Variants in ATF6 observed in about 807,000 individuals in gnomAD.
ATF6 encodes cyclic AMP-dependent transcription factor ATF-6 alpha.
ATF6 carries 53 observed loss-of-function variants against 83.6 expected under a neutral mutation model. That is an observed-to-expected ratio of 0.63 (90% CI 0.51 to 0.80). The LOEUF (loss-of-function observed/expected upper bound fraction) is 0.80. Ranked by LOEUF, ATF6 falls within the 30% of genes least tolerant of loss-of-function variation. The probability of loss-of-function intolerance (pLI) is 0.00; values close to 1 mark genes in which losing one functional copy is unlikely to be tolerated. For synonymous variants in ATF6, 288 were observed against 285.8 expected, an observed-to-expected ratio of 1.01 and a Z score of -0.08; for missense variants, 744 against 797.9, an observed-to-expected ratio of 0.93 and a Z score of 0.81.
At chr1:161,807,897 T>G (rs1325325479) in intron 7 of ATF6, among the ~76,000 whole-genome samples, 2 of 115,004 alleles carry the variant, frequency 1.7e-5, no homozygotes, top group Non-Finnish European at 3.8e-5. Context: ...TTTTTTTTTT[T>G]GAGACAAAGT....
rs981992222 is a variant in ATF6, at chr1:161,962,176, C to G, written c.*3522C>G. 1.3e-5 allele frequency: 2 copies of G among 151,986 alleles called. No homozygotes were observed. Among genetic ancestry groups the G allele is most frequent in the African/African-American group, 4.8e-5 (2 of 41,356 alleles). The allele number at this position is 151,986 out of a possible 1,614,324, so 9.4% of individuals were successfully genotyped here. ...CCAGCACAAAACTGGCATTTCTTTGCCATTTCTTGCCAGTAAGAAGTTGAC... is the reference window on the plus strand; with the variant it reads ...CCAGCACAAAACTGGCATTTCTTTGGCATTTCTTGCCAGTAAGAAGTTGAC... On this transcript the variant is annotated 3_prime_UTR_variant, in exon 16 of 16. Coordinates refer to ENST00000367942, the MANE Select transcript of ATF6 (RefSeq NM_007348.4).
chr1:161,922,148 A>G (rs146889936), intron 15 of ATF6, among the ~76,000 whole-genome samples: 4 of 152,316 alleles, frequency 2.6e-5, no homozygotes, highest in Non-Finnish European at 5.9e-5. Context: ...TTCACCCTGC[A>G]TACTGCTGCC....
intron 14 of ATF6, among the ~76,000 whole-genome samples, chr1:161,902,475 G>T (rs1265043388): frequency 1.3e-5 from 2 of 152,168 alleles, no homozygotes; most frequent in Admixed American, 6.5e-5. Flanking sequence ...GACTAGCTTG[G>T]TGCCACTACA....
intron 9 of ATF6, 128 bp from the exon 10 acceptor site, chr1:161,846,321 T>C: frequency 2.9e-6 from 3 of 1,017,750 alleles, no homozygotes; most frequent in Non-Finnish European, 2.8e-6. Flanking sequence ...TACTTGCGTC[T>C]ATGCCTAGCA....
chr1:161,815,354 G>A (rs1224394342), intron 7 of ATF6, among the ~76,000 whole-genome samples: 1 of 151,642 alleles, frequency 6.6e-6, no homozygotes, highest in Admixed American at 6.6e-5. Context: ...ACGATGCCCA[G>A]CTAATTTTTT....
At position 161,802,200 on chromosome 1, in the gene ATF6, T is replaced by C. The variant is rs780242736; in HGVS notation, c.837T>C (p.Asn279=). The C allele has an allele frequency of 6.2e-7, 1 of 1,614,092 alleles. No homozygotes were observed. The highest frequency in any genetic ancestry group is 1.7e-5 in the Admixed American group (1 of 59,968). The part of the protein sequence containing the change: ...VVNVVPAPSA[N]SPVNGKLSVT... ...ATGTGGTACCAGCCCCTTCAGCGAA[T>C]AGCCCAGTGAATGGAAAACTTTCCG... The change falls in exon 7 of 16, where the codon AAT becomes AAC. Residue 279 remains asparagine (N), a synonymous_variant. Coordinates refer to ENST00000367942, the MANE Select transcript of ATF6 (RefSeq NM_007348.4).
At chr1:161,799,368 G>T (rs574626261) in intron 6 of ATF6, among the ~76,000 whole-genome samples, 1 of 152,042 alleles carries the variant, frequency 6.6e-6, no homozygotes, top group Non-Finnish European at 1.5e-5. Flanking sequence ...TTATAAGTGG[G>T]AGTTATACAT....
intron 7 of ATF6, among the ~76,000 whole-genome samples, chr1:161,811,879 C>T (rs1490160122): frequency 1.3e-5 from 2 of 152,166 alleles, no homozygotes; most frequent in African/African-American, 4.8e-5. Flanking sequence ...TGTGCATTTT[C>T]TAAGACTAGG....
chr1:161,803,754 A>G (rs1324793675), intron 7 of ATF6, among the ~76,000 whole-genome samples: 1 of 152,266 alleles, frequency 6.6e-6, no homozygotes, highest in Non-Finnish European at 1.5e-5. Flanking sequence ...TTGTGTGACC[A>G]ATAAGAAAAG....
At chr1:161,860,862 A>G (rs1426732785) in intron 13 of ATF6, among the ~76,000 whole-genome samples, 1 of 152,166 alleles carries the variant, frequency 6.6e-6, no homozygotes, top group African/African-American at 2.4e-5. Context: ...GATTTCAAAG[A>G]GAATGCTGTA....
At chr1:161,809,288 T>C (rs1321802378) in intron 7 of ATF6, among the ~76,000 whole-genome samples, 4 of 151,582 alleles carry the variant, frequency 2.6e-5, no homozygotes, top group East Asian at 2.0e-4. Context: ...AGTGAGAACA[T>C]GTGTGTTCGG....
intron 11 of ATF6, among the ~76,000 whole-genome samples, chr1:161,852,727 C>T (rs1321666042): frequency 6.6e-6 from 1 of 152,128 alleles, no homozygotes; most frequent in Non-Finnish European, 1.5e-5. Context: ...ATCCTCTTGC[C>T]TTCGCCTCCT....
chr1:161,877,273 A>G (rs1284534546), intron 14 of ATF6, among the ~76,000 whole-genome samples: 3 of 152,162 alleles, frequency 2.0e-5, no homozygotes, highest in African/African-American at 7.2e-5. Flanking sequence ...GGGAACTTAT[A>G]GTTTAGTTGG....
intron 9 of ATF6, among the ~76,000 whole-genome samples, chr1:161,845,771 G>C (rs1686469522): frequency 8.9e-6 from 1 of 112,374 alleles, no homozygotes; most frequent in African/African-American, 4.7e-5. Flanking sequence ...GTGAGACCCT[G>C]TCTCAAAAAA....
intron 15 of ATF6, among the ~76,000 whole-genome samples, chr1:161,932,541 AT>A (rs1688454778): frequency 6.6e-6 from 1 of 152,238 alleles, no homozygotes; most frequent in Non-Finnish European, 1.5e-5. Flanking sequence ...ATTGCAGACC[AT>A]TTTAAATGTC....
At chr1:161,925,429 C>G (rs1185292638) in intron 15 of ATF6, among the ~76,000 whole-genome samples, 2 of 143,586 alleles carry the variant, frequency 1.4e-5, no homozygotes. Context: ...GAATTTAGAA[C>G]TGTGTTTTTA....
At chr1:161,947,471 C>G (rs1002398592) in intron 15 of ATF6, among the ~76,000 whole-genome samples, 2 of 152,034 alleles carry the variant, frequency 1.3e-5, no homozygotes, top group African/African-American at 2.4e-5. Context: ...AGGGTCAGGC[C>G]CATTTGAGCA....
chr1:161,818,345 C>G (rs964880854), intron 7 of ATF6, among the ~76,000 whole-genome samples: 1 of 152,128 alleles, frequency 6.6e-6, no homozygotes, highest in African/African-American at 2.4e-5. Context: ...TAACAATAGG[C>G]TTCATAACTT....
At chr1:161,778,181 G>C in intron 1 of ATF6, 63 bp from the exon 2 acceptor site, 1 of 1,372,740 alleles carries the variant, frequency 7.3e-7, no homozygotes, top group South Asian at 1.2e-5. Context: ...GGGACACAGT[G>C]CTTGTTTCTT....
Sources: allele counts gnomAD v4.1 joint callset (sites outside exome capture counted in the v4.1 genomes callset), GRCh38; gene constraint gnomAD v4.1.1; transcripts MANE v1.5; gene names NCBI Gene and HGNC (gene_info 2026-07-23, HGNC 2026-07-21).